COBLL1: variants seen among roughly 807,000 people sequenced by gnomAD.
The protein encoded by COBLL1 is cordon-bleu WH2 repeat protein like 1.
A neutral mutation model predicts 94.8 loss-of-function variants in COBLL1; 50 were observed. That is an observed-to-expected ratio of 0.53 (90% CI 0.42 to 0.67). The LOEUF (loss-of-function observed/expected upper bound fraction) is 0.67, where lower values mean the gene tolerates loss of function less well. COBLL1 is among the 30% of genes least tolerant of loss of function. The pLI, the probability that COBLL1 is intolerant of heterozygous loss-of-function variation, is 0.00. For synonymous variants in COBLL1, 448 were observed against 473.8 expected, an observed-to-expected ratio of 0.95 and a Z score of 0.71; for missense variants, 1,362 against 1,348.7, an observed-to-expected ratio of 1.01 and a Z score of -0.15.
rs1684470583 is a variant in COBLL1, at chr2:164,811,759, CTAGAAATACA to C, written c.41+29387_41+29396del. Among the ~76,000 whole-genome samples the C allele has an allele frequency of 5.3e-5, 8 of 151,888 alleles. No homozygotes were observed. In the South Asian group the frequency reaches 1.7e-3, roughly 31 times the overall value. ...TATATTTAGGTTTCTGTTATCAAGACTAGAAATACATAAAGAACCTGAGCAACAGTCTACA... is the reference window on the plus strand; with the variant it reads ...TATATTTAGGTTTCTGTTATCAAGACTAAAGAACCTGAGCAACAGTCTACA... On this transcript the variant is annotated intron_variant, in intron 2 of 13. Transcript: ENST00000652658.
intron 2 of COBLL1, among the ~76,000 whole-genome samples, chr2:164,801,185 A>G (rs1375847946): frequency 6.6e-6 from 1 of 151,928 alleles, no homozygotes; most frequent in Non-Finnish European, 1.5e-5. Flanking sequence ...CACGCCTGTA[A>G]TCCCAGCACT....
chr2:164,739,124 TAG>T, intron 3 of COBLL1, among the ~76,000 whole-genome samples: 1 of 152,242 alleles, frequency 6.6e-6, no homozygotes, highest in Middle Eastern at 3.4e-3. Flanking sequence ...AAAGGCAAGA[TAG>T]TAGAGACATG....
intron 2 of COBLL1, among the ~76,000 whole-genome samples, chr2:164,814,897 A>T (rs1023598987): frequency 2.0e-5 from 3 of 152,152 alleles, no homozygotes; most frequent in Admixed American, 1.3e-4. Flanking sequence ...ACAAAGGAGG[A>T]GCCAAAAAAT....
intron 2 of COBLL1, among the ~76,000 whole-genome samples, chr2:164,783,758 G>T (rs560744156): frequency 6.6e-6 from 1 of 152,212 alleles, no homozygotes; most frequent in Non-Finnish European, 1.5e-5. Context: ...GCACGAGCCA[G>T]GAGTTTGAGA....
intron 7 of COBLL1, 55 bp from the exon 8 acceptor site, chr2:164,705,160 T>G: frequency 7.2e-7 from 1 of 1,388,442 alleles, no homozygotes; most frequent in Non-Finnish European, 9.6e-7. Context: ...GTAGCAAACT[T>G]TAGGAAGACA....
chr2:164,808,325 C>A (rs910910677), intron 2 of COBLL1, among the ~76,000 whole-genome samples: 8 of 152,096 alleles, frequency 5.3e-5, no homozygotes, highest in South Asian at 2.1e-4. Context: ...CTGGATTATA[C>A]AATAGCTTAG....
chr2:164,830,730 G>T (rs1340706403), intron 2 of COBLL1, among the ~76,000 whole-genome samples: 1 of 152,048 alleles, frequency 6.6e-6, no homozygotes, highest in Non-Finnish European at 1.5e-5. Flanking sequence ...CTGGAATATT[G>T]TTCGTTTCAG....
At chr2:164,783,899 G>A (rs537329695) in intron 2 of COBLL1, among the ~76,000 whole-genome samples, 10 of 152,208 alleles carry the variant, frequency 6.6e-5, no homozygotes, top group South Asian at 6.2e-4. Flanking sequence ...CTGGGAGATC[G>A]AGCCTTCAGT....
chr2:164,789,625 T>C (rs1683080082), intron 2 of COBLL1, among the ~76,000 whole-genome samples: 1 of 152,166 alleles, frequency 6.6e-6, no homozygotes, highest in African/African-American at 2.4e-5. Flanking sequence ...AAAGCCTATA[T>C]TTTTAGCATT....
At chr2:164,675,172 C>T (rs1217299134) in intron 1 of COBLL1, among the ~76,000 whole-genome samples, 1 of 152,124 alleles carries the variant, frequency 6.6e-6, no homozygotes, top group Non-Finnish European at 1.5e-5. Flanking sequence ...TGACGATGAG[C>T]TCAGTTGTTC....
intron 7 of COBLL1, among the ~76,000 whole-genome samples, chr2:164,721,465 T>C (rs1685437481): frequency 6.6e-6 from 1 of 152,106 alleles, no homozygotes; most frequent in South Asian, 2.1e-4. Context: ...AGATTAAAGG[T>C]GTGTAATAGT....
intron 11 of COBLL1, chr2:164,696,366 C>A (rs1238709702): frequency 6.6e-6 from 1 of 152,074 alleles, no homozygotes; most frequent in Non-Finnish European, 1.5e-5. Flanking sequence ...CCAGCAAATG[C>A]AGTTTTAATG....
chr2:164,841,324 G>C lies in COBLL1; in HGVS notation c.-50-78C>G. 1 of 1,206,142 alleles carries C rather than the reference G, an allele frequency of 8.3e-7. No individual in the cohort carries two copies. The highest frequency in any genetic ancestry group is 3.3e-4 in the Middle Eastern group (1 of 3,050). 74.7% of individuals were successfully genotyped at this position (1,206,142 alleles called of 1,614,324 possible). A position where few individuals can be genotyped will look rare whatever the true frequency, so the allele number is the denominator to read the frequency against. ...CGGAGCGAAGCTGGCTGAGCGTCAAGAGCCCGCCCGAGCCGCTCCAGCCCC... is the reference window on the plus strand; with the variant it reads ...CGGAGCGAAGCTGGCTGAGCGTCAACAGCCCGCCCGAGCCGCTCCAGCCCC... On this transcript the variant is annotated intron_variant, in intron 1 of 13. Transcript: ENST00000652658. The surrounding 1 kb of genome is among the most constrained non-coding windows in gnomAD (Gnocchi z 5.5).
chr2:164,667,058 C>A (rs1010173800), intron 1 of COBLL1, among the ~76,000 whole-genome samples: 1 of 152,014 alleles, frequency 6.6e-6, no homozygotes, highest in South Asian at 2.1e-4. Context: ...TATAGCCCCA[C>A]AAAATGTATT....
At chr2:164,749,757 G>T (rs904853232) in intron 2 of COBLL1, among the ~76,000 whole-genome samples, 1 of 152,012 alleles carries the variant, frequency 6.6e-6, no homozygotes, top group Non-Finnish European at 1.5e-5. Flanking sequence ...AATGAAAATC[G>T]ACAAGGAGAA....
chr2:164,732,077 G>A (rs957065638), intron 3 of COBLL1, among the ~76,000 whole-genome samples: 1 of 152,100 alleles, frequency 6.6e-6, no homozygotes, highest in Non-Finnish European at 1.5e-5. Context: ...GGGATAAGGA[G>A]TATGTTTCTC....
In COBLL1 at chr2:164,801,310, GC is replaced by G. The variant is rs1683776303; in HGVS notation, c.41+39845del. ...AAAAATTAGCCGGGCGTGGTAGCGG[GC>G]GCCTGTAGTCCCAGCTACTCGGGAG... On this transcript the variant is annotated intron_variant, in intron 2 of 13. Coordinates refer to ENST00000652658, the MANE Select transcript of COBLL1 (RefSeq NM_001365672.2). Among the ~76,000 whole-genome samples the G allele has an allele frequency of 1.3e-5, 2 of 150,634 alleles. 1 individual carries two copies. Among genetic ancestry groups the G allele is most frequent in the Admixed American group, 1.3e-4 (2 of 15,124 alleles).
At chr2:164,750,817 C>T (rs755961077) in intron 2 of COBLL1, among the ~76,000 whole-genome samples, 7 of 152,052 alleles carry the variant, frequency 4.6e-5, no homozygotes, top group Non-Finnish European at 7.4e-5. Flanking sequence ...ACTTGGCTGC[C>T]GCACCCCTGA....
Position 164,812,748 on chromosome 2 carries a change from T to C in COBLL1, c.41+28408A>G, listed in dbSNP as rs142889975. On this transcript the variant is annotated intron_variant, in intron 2 of 13. Transcript: ENST00000652658. The stretch of plus-strand genomic sequence containing the variant: ...ATATATTAGAGTACGCATTTGATAA[T>C]TGTTAGTTGATTCTTGTATTAAAAA... Among the ~76,000 whole-genome samples, 763 of 152,216 alleles carry C rather than the reference T, an allele frequency of 5.0e-3. 5 individuals carry two copies. Among genetic ancestry groups the C allele is most frequent in the African/African-American group, 0.017 (716 of 41,554 alleles).
Sources: gnomAD v4.1 joint callset for allele counts (sites outside exome capture counted in the v4.1 genomes callset) on GRCh38, gnomAD v4.1.1 for gene constraint, Gnocchi (gnomAD v3.1) non-coding constraint, MANE v1.5 for transcripts, NCBI Gene and HGNC (gene_info 2026-07-23, HGNC 2026-07-21) for gene names.